Variants in TBC1D20 observed in about 807,000 individuals in gnomAD.
TBC1D20 encodes the protein chromosome 20 open reading frame 140.
Under a neutral mutation model 41.6 loss-of-function variants are expected in TBC1D20, and 12 were observed. The observed-to-expected ratio is 0.29, with a 90% confidence interval of 0.18 to 0.47. The LOEUF (loss-of-function observed/expected upper bound fraction) is 0.47, where lower values mean the gene tolerates loss of function less well. TBC1D20 is among the 20% of genes least tolerant of loss of function. The pLI is 1.00. For missense variants in TBC1D20, 421 were observed against 517.4 expected, an observed-to-expected ratio of 0.81 and a Z score of 1.81; for synonymous variants, 205 against 204.8, an observed-to-expected ratio of 1.00 and a Z score of -0.01.
At chr20:461,692 G>A (rs1257659303) in intron 1 of TBC1D20, among the ~76,000 whole-genome samples, 1 of 152,230 alleles carries the variant, frequency 6.6e-6, no homozygotes, top group Admixed American at 6.5e-5. Context: ...CATTAAAATA[G>A]GTGGCAGAAG....
chr20:453,802 A>G (rs1329678703), intron 1 of TBC1D20, among the ~76,000 whole-genome samples: 10 of 145,762 alleles, frequency 6.9e-5, no homozygotes, highest in Non-Finnish European at 7.5e-5. Flanking sequence ...CGCCAGTCTC[A>G]GCCTCCCAAA....
chr20:440,802 A>T (rs2017213801), intron 5 of TBC1D20: 1 of 161,118 alleles, frequency 6.2e-6, no homozygotes, highest in Admixed American at 6.2e-5. Context: ...ATATCTTAAG[A>T]TGTAGCTGCC....
chr20:438,397 C>T lies in TBC1D20; in HGVS notation c.*189G>A. On this transcript the variant is annotated 3_prime_UTR_variant, in exon 8 of 8. Coordinates refer to ENST00000354200, the MANE Select transcript of TBC1D20 (RefSeq NM_144628.4). ...AGATTCTGTGCCAGGCCCCCAGGTC[C>T]CCTCTGTGTCAGGTAGGCTCTGCTA... 1 of 639,938 alleles carries T rather than the reference C, an allele frequency of 1.6e-6. No individual in the cohort carries two copies. The highest frequency in any genetic ancestry group is 2.6e-6 in the Non-Finnish European group (1 of 377,570). 39.6% of individuals were successfully genotyped at this position (639,938 alleles called of 1,614,324 possible). A position where few individuals can be genotyped will look rare whatever the true frequency, so the allele number is the denominator to read the frequency against.
intron 1 of TBC1D20, among the ~76,000 whole-genome samples, chr20:455,792 C>T (rs907533489): frequency 2.4e-4 from 36 of 150,444 alleles, no homozygotes; most frequent in Non-Finnish European, 1.0e-4. Flanking sequence ...ATTAGCCAGG[C>T]GTGGTGGCAG....
At chr20:444,569 TTTTA>T (rs940637814) in intron 3 of TBC1D20, among the ~76,000 whole-genome samples, 21 of 152,086 alleles carry the variant, frequency 1.4e-4, no homozygotes, top group South Asian at 2.1e-4. Context: ...TTTGTTTTGT[TTTTA>T]TTTATTTATT....
rs767933181 is a variant in TBC1D20, at chr20:438,834, C to T, written c.964G>A (p.Ala322Thr). 1.3e-5 allele frequency: 21 copies of T among 1,613,000 alleles called. No homozygotes were observed. Among genetic ancestry groups the T allele is most frequent in the Non-Finnish European group, 1.6e-5 (19 of 1,179,114 alleles). ...AAQQQAERTAASTFKDFELAS... is the reference protein window; with the variant it reads ...AAQQQAERTATSTFKDFELAS... The stretch of plus-strand genomic sequence containing the variant: ...AGCTCAAAGTCTTTGAAAGTAGAGG[C>T]TGCCGTCCTGCAGGGGAAAGAGACG... Residue 322 changes from alanine (A) to threonine (T), a missense_variant, in exon 8 of 8, where the codon GCC becomes ACC. By Grantham distance (58) the Ala-to-Thr change is moderately conservative. Transcript: ENST00000354200.
At position 444,997 on chromosome 20, in the gene TBC1D20, C is replaced by A. The variant is rs80215104; in HGVS notation, c.337+53G>T. The stretch of plus-strand genomic sequence containing the variant: ...CAGCATATTAGGTCACATGGTATGA[C>A]CTGGAACAGATACAGTCTTTCCAAA... On this transcript the variant is annotated intron_variant, in intron 3 of 7. Transcript: ENST00000354200. 0.036 allele frequency: 54,871 copies of A among 1,512,902 alleles called. 1,366 individuals are homozygous for A. The highest frequency in any genetic ancestry group is 0.084 in the African/African-American group (6,068 of 72,592). 93.7% of individuals were successfully genotyped at this position (1,512,902 alleles called of 1,614,324 possible).
chr20:458,658 T>C (rs112573855), intron 1 of TBC1D20, among the ~76,000 whole-genome samples: 4 of 152,132 alleles, frequency 2.6e-5, no homozygotes, highest in African/African-American at 7.2e-5. Context: ...TACTTACTAT[T>C]TCAAAATTTT....
chr20:451,739 T>C (rs1396083426), intron 1 of TBC1D20, among the ~76,000 whole-genome samples: 1 of 152,118 alleles, frequency 6.6e-6, no homozygotes, highest in African/African-American at 2.4e-5. Context: ...AATGCCTTGA[T>C]GCCAGGGTCT....
intron 1 of TBC1D20, among the ~76,000 whole-genome samples, chr20:460,912 C>A (rs192472843): frequency 0.015 from 2,315 of 151,260 alleles, 56 homozygotes; most frequent in African/African-American, 0.053. Flanking sequence ...AAGACCCATG[C>A]TGCCTAGGGC....
intron 1 of TBC1D20, among the ~76,000 whole-genome samples, chr20:459,885 C>G (rs2017600630): frequency 6.6e-6 from 1 of 152,090 alleles, no homozygotes; most frequent in Non-Finnish European, 1.5e-5. Flanking sequence ...GCTACAGAAT[C>G]CAGGTAAAGA....
intron 1 of TBC1D20, 78 bp downstream of exon 1, chr20:462,258 G>A: frequency 9.4e-7 from 1 of 1,065,944 alleles, no homozygotes. Context: ...CGCCCCTCCG[G>A]CGCCGCCTCC....
chr20:457,980 T>A (rs1309794667), intron 1 of TBC1D20, among the ~76,000 whole-genome samples: 2 of 152,188 alleles, frequency 1.3e-5, no homozygotes, highest in Non-Finnish European at 2.9e-5. Context: ...CCCTGCACTT[T>A]CCACACATCA....
intron 1 of TBC1D20, among the ~76,000 whole-genome samples, chr20:453,166 A>AAAAAAAC (rs1178347540): frequency 7.8e-6 from 1 of 127,794 alleles, no homozygotes; most frequent in African/African-American, 2.9e-5. Flanking sequence ...AAAAAAAAAA[A>AAAAAAAC]AAAAAAAAAA....
intron 1 of TBC1D20, among the ~76,000 whole-genome samples, chr20:449,276 CCAATA>C (rs1346738378): frequency 2.1e-4 from 22 of 103,096 alleles, no homozygotes; most frequent in Admixed American, 4.2e-4. Flanking sequence ...TCTCAGCCTC[CCAATA>C]CATTAAAAAA....
Position 439,062 on chromosome 20 carries a change from TCATTTACAGCCACCCC to T in TBC1D20, c.956+30_956+45del. The T allele has an allele frequency of 6.4e-7, 1 of 1,572,326 alleles. No homozygotes were observed. Among genetic ancestry groups the T allele is most frequent in the Non-Finnish European group, 8.6e-7 (1 of 1,158,392 alleles). ...GACACAAACCTTCCCTCGCTTCTGCTCATTTACAGCCACCCCCATTCAACCAGTGTCCCAGCCTTGC... is the reference window on the plus strand; with the variant it reads ...GACACAAACCTTCCCTCGCTTCTGCTCATTCAACCAGTGTCCCAGCCTTGC... On this transcript the variant is annotated intron_variant, in intron 7 of 7. Transcript: ENST00000354200. The surrounding 1 kb of genome is among the most constrained non-coding windows in gnomAD (Gnocchi z 4.6).
chr20:445,873 T>C (rs1181536246), intron 2 of TBC1D20, among the ~76,000 whole-genome samples: 3 of 152,238 alleles, frequency 2.0e-5, no homozygotes, highest in Admixed American at 6.5e-5. Flanking sequence ...TGAGGGAAGT[T>C]TGGAACCTGA....
intron 1 of TBC1D20, chr20:450,560 C>T (rs1190543586): frequency 6.6e-6 from 1 of 152,172 alleles, no homozygotes; most frequent in African/African-American, 2.4e-5. Flanking sequence ...TACAAAGGAA[C>T]TGTTTCTTAA....
At chr20:440,496 GA>G in intron 5 of TBC1D20, 107 bp from the exon 6 acceptor site, 1 of 1,398,450 alleles carries the variant, frequency 7.2e-7, no homozygotes, top group Non-Finnish European at 9.6e-7. Context: ...AAGATTTCTG[GA>G]AAATTCAGTT....
Sources: gnomAD v4.1 joint callset for allele counts (sites outside exome capture counted in the v4.1 genomes callset) on GRCh38, gnomAD v4.1.1 for gene constraint, Gnocchi (gnomAD v3.1) non-coding constraint, MANE v1.5 for transcripts, NCBI Gene and HGNC (gene_info 2026-07-23, HGNC 2026-07-21) for gene names.